ABCE1: variants seen among roughly 807,000 people sequenced by gnomAD.
ABCE1 encodes ATP binding cassette subfamily E member 1, also known as ATP-binding cassette sub-family E member 1.
Under a neutral mutation model 83.4 loss-of-function variants are expected in ABCE1, and 22 were observed. The ratio of observed to expected loss-of-function variants is 0.26; its 90% CI spans 0.19 to 0.38. The LOEUF (loss-of-function observed/expected upper bound fraction) is 0.38. Ranked by LOEUF, ABCE1 falls within the 10% of genes least tolerant of loss-of-function variation. The probability of loss-of-function intolerance (pLI) is 1.00; values close to 1 mark genes in which losing one functional copy is unlikely to be tolerated. For missense variants in ABCE1, 330 were observed against 721.9 expected (o/e 0.46, Z 6.22); for synonymous variants, 204 against 233.7 (o/e 0.87, Z 1.16).
At chr4:145,125,488 A>G (rs953759820) in intron 17 of ABCE1, among the ~76,000 whole-genome samples, 15 of 152,236 alleles carry the variant, frequency 9.9e-5, no homozygotes, top group Middle Eastern at 3.4e-3. Flanking sequence ...AATAAATTAA[A>G]AAACAACCAT....
At chr4:145,098,739 C>G (rs1748977339) in intron 1 of ABCE1, among the ~76,000 whole-genome samples, 1 of 146,386 alleles carries the variant, frequency 6.8e-6, no homozygotes, top group Admixed American at 6.7e-5. Flanking sequence ...GAAGCTAAAC[C>G]TGCTGGAGAG....
chr4:145,117,182 T>C (rs924108418), intron 9 of ABCE1, 111 bp from the exon 10 acceptor site: 2 of 880,706 alleles, frequency 2.3e-6, no homozygotes, highest in Non-Finnish European at 3.2e-6. Flanking sequence ...TGGCTTTTGC[T>C]TCTTATGTCT....
intron 3 of ABCE1, among the ~76,000 whole-genome samples, chr4:145,106,874 G>C (rs559258528): frequency 2.0e-5 from 3 of 152,168 alleles, no homozygotes; most frequent in Admixed American, 6.5e-5. Flanking sequence ...TACTTTATTA[G>C]AAAACAAGAG....
intron 10 of ABCE1, among the ~76,000 whole-genome samples, 153 bp from the exon 11 acceptor site, chr4:145,119,779 A>G (rs1284222692): frequency 3.3e-5 from 5 of 151,938 alleles, no homozygotes; most frequent in Non-Finnish European, 5.9e-5. Context: ...CATTAAATAT[A>G]TATAGTTTTT....
rs752682849 is a variant in ABCE1 at position 145,108,032 on chromosome 4, C to T, written c.207C>T (p.Ala69=). 2 of 1,613,194 alleles carry T rather than the reference C, an allele frequency of 1.2e-6. No individual in the cohort carries two copies. The highest frequency in any genetic ancestry group is 1.1e-5 in the South Asian group (1 of 90,896). The change falls in exon 4 of 18, where the codon GCC becomes GCT. Residue 69 remains alanine, a synonymous_variant. Transcript: ENST00000296577. ...AATAACAGAAATGCCCCTTTGGCGCCTTATCAATTGTCAATCTACCAAGCA... is the reference window on the plus strand; with the variant it reads ...AATAACAGAAATGCCCCTTTGGCGCTTTATCAATTGTCAATCTACCAAGCA... The part of the protein sequence containing the change: ...GICIKKCPFG[A]LSIVNLPSNL...
chr4:145,113,908 G>A (rs980019692), intron 9 of ABCE1, among the ~76,000 whole-genome samples: 2 of 152,030 alleles, frequency 1.3e-5, no homozygotes, highest in Non-Finnish European at 2.9e-5. Flanking sequence ...TTAAAATGTG[G>A]AAAGAAGGTT....
intron 17 of ABCE1, among the ~76,000 whole-genome samples, chr4:145,127,281 C>A (rs1055858368): frequency 1.3e-5 from 2 of 152,084 alleles, no homozygotes; most frequent in Non-Finnish European, 2.9e-5. Flanking sequence ...TGTGAGGCAT[C>A]TTATATAAAG....
chr4:145,126,348 G>A (rs577931426), intron 17 of ABCE1, among the ~76,000 whole-genome samples: 1 of 152,248 alleles, frequency 6.6e-6, no homozygotes, highest in African/African-American at 2.4e-5. Flanking sequence ...AGGCTGGAGT[G>A]CAGTGGCGTG....
chr4:145,107,715 T>A (rs1749346989), intron 3 of ABCE1, among the ~76,000 whole-genome samples: 1 of 152,190 alleles, frequency 6.6e-6, no homozygotes, highest in Non-Finnish European at 1.5e-5. Flanking sequence ...AAGGGCTGAC[T>A]TTTTCTTTTA....
Position 145,123,465 on chromosome 4 carries a change from C to A in ABCE1, c.1518-13C>A, listed in dbSNP as rs746645869. ...ATAGAAAGCTATAAGATTTCAAAAT[C>A]ATTGTGTTTTAGTTTCATACTCCAT... is the stretch of plus-strand genomic sequence containing the variant. On this transcript the variant is annotated splice_polypyrimidine_tract_variant and intron_variant, in intron 15 of 17. Coordinates refer to ENST00000296577, the MANE Select transcript of ABCE1 (RefSeq NM_002940.3). 6 of 1,593,268 alleles carry A rather than the reference C, an allele frequency of 3.8e-6. No individual in the cohort carries two copies. In the African/African-American group the frequency reaches 8.1e-5, roughly 21 times the overall value.
chr4:145,113,481 A>G lies in ABCE1; in HGVS notation c.800+1153A>G, dbSNP rs529255019. The stretch of plus-strand genomic sequence containing the variant: ...AACTTTTATGGTACATAGCAGAAGC[A>G]ACGAACCAATATGCTTTCAACCCTG... On this transcript the variant is annotated intron_variant, in intron 9 of 17. Transcript: ENST00000296577. Among the ~76,000 whole-genome samples the G allele has an allele frequency of 1.3e-4, 20 of 152,312 alleles. No individual in the cohort carries two copies. The Middle Eastern group carries it at 0.014, about 104-fold the overall frequency.
chr4:145,100,212 A>G (rs571599645), intron 1 of ABCE1, among the ~76,000 whole-genome samples: 18 of 152,324 alleles, frequency 1.2e-4, no homozygotes, highest in Non-Finnish European at 1.8e-4. Context: ...AAATCAAGCC[A>G]GGGTAGTGAC....
intron 1 of ABCE1, among the ~76,000 whole-genome samples, chr4:145,099,627 A>T (rs1306584322): frequency 1.3e-5 from 2 of 152,216 alleles, no homozygotes; most frequent in African/African-American, 4.8e-5. Context: ...GTTCTTCTAA[A>T]TGTCTTAAAC....
chr4:145,121,900 G>A (rs1749758131), intron 13 of ABCE1: 1 of 152,220 alleles, frequency 6.6e-6, no homozygotes, highest in Admixed American at 6.6e-5. Flanking sequence ...AAAGATGTTT[G>A]TCATCTTTTT....
intron 9 of ABCE1, among the ~76,000 whole-genome samples, 195 bp downstream of exon 9, chr4:145,112,523 T>C (rs1414355632): frequency 6.6e-6 from 1 of 152,202 alleles, no homozygotes; most frequent in Non-Finnish European, 1.5e-5. Flanking sequence ...ACACCCCCGC[T>C]TCCAGGGAGC....
At position 145,121,396 on chromosome 4, in the gene ABCE1, GTTA is replaced by G. The variant is rs768287999; in HGVS notation, c.1263+11_1263+13del. 2.5e-6 allele frequency: 4 copies of G among 1,606,402 alleles called. No individual in the cohort carries two copies. The highest frequency in any genetic ancestry group is 3.4e-6 in the Non-Finnish European group (4 of 1,175,516). On this transcript the variant is annotated splice_donor_region_variant and intron_variant, in intron 13 of 17. Transcript: ENST00000296577. ...AAAATTAGTCCCAAATCAACTGTGA[GTTA>G]TTATTTTTTATATGGTTACTAAAGA...
rs1749972349 is a variant in ABCE1, at chr4:145,129,160, ATTG to A, written c.*1590_*1592del. 1 of 152,210 alleles carries A rather than the reference ATTG, an allele frequency of 6.6e-6. No individual in the cohort carries two copies. The highest frequency in any genetic ancestry group is 1.5e-5 in the Non-Finnish European group (1 of 68,016). The allele number at this position is 152,210 out of a possible 1,614,324, so 9.4% of individuals were successfully genotyped here. The stretch of plus-strand genomic sequence containing the variant: ...ATATTGAATAAAATAAGCAAAAGCT[ATTG>A]TTATTTACTGATCCTGGATTGTCTT... On this transcript the variant is annotated 3_prime_UTR_variant, in exon 18 of 18. Coordinates refer to ENST00000296577, the MANE Select transcript of ABCE1 (RefSeq NM_002940.3).
chr4:145,128,412 C>G lies in ABCE1; in HGVS notation c.*839C>G, dbSNP rs1057182210. On this transcript the variant is annotated 3_prime_UTR_variant, in exon 18 of 18. Transcript: ENST00000296577. ...AGACTCGAAATCTTTAAAGATGGTG[C>G]CTAAGCATCTATGTATTTTTTTTAA... 6.6e-6 allele frequency: 1 copy of G among 152,212 alleles called. No homozygotes were observed. The highest frequency in any genetic ancestry group is 1.5e-5 in the Non-Finnish European group (1 of 68,020). 9.4% of individuals were successfully genotyped at this position (152,212 alleles called of 1,614,324 possible). A position where few individuals can be genotyped will look rare whatever the true frequency, so the allele number is the denominator to read the frequency against.
intron 9 of ABCE1, among the ~76,000 whole-genome samples, chr4:145,116,991 C>A (rs1315875192): frequency 1.3e-5 from 2 of 151,886 alleles, no homozygotes; most frequent in Non-Finnish European, 2.9e-5. Context: ...GTTTAGGCTA[C>A]ATCTGAATTA....
Sources: gnomAD v4.1 joint callset for allele counts (sites outside exome capture counted in the v4.1 genomes callset) on GRCh38, gnomAD v4.1.1 for gene constraint, MANE v1.5 for transcripts, NCBI Gene and HGNC (gene_info 2026-07-23, HGNC 2026-07-21) for gene names.